Variants in GALNTL6 observed in about 807,000 individuals in gnomAD.
GALNTL6 encodes polypeptide N-acetylgalactosaminyltransferase like 6, also known as polypeptide N-acetylgalactosaminyltransferase-like 6.
GALNTL6 carries 46 observed loss-of-function variants against 73.7 expected under a neutral mutation model. The observed-to-expected ratio is 0.62, with a 90% CI of 0.49 to 0.80. GALNTL6 has a LOEUF of 0.80. Ranked by LOEUF, GALNTL6 falls within the 30% of genes least tolerant of loss-of-function variation. GALNTL6 has a pLI of 0.00. For missense variants in GALNTL6, 604 were observed against 755.0 expected (o/e 0.80, Z 2.34); for synonymous variants, 259 against 263.7 (o/e 0.98, Z 0.17).
intron 5 of GALNTL6, among the ~76,000 whole-genome samples, chr4:172,630,479 C>G (rs1739346167): frequency 6.6e-6 from 1 of 151,986 alleles, no homozygotes; most frequent in Non-Finnish European, 1.5e-5. Flanking sequence ...GATAATGCAC[C>G]TGCATCTCTA....
chr4:172,152,409 C>T (rs1429484664), intron 2 of GALNTL6, among the ~76,000 whole-genome samples: 1 of 152,196 alleles, frequency 6.6e-6, no homozygotes, highest in Non-Finnish European at 1.5e-5. Context: ...TAAATGTAGA[C>T]TGAGCTTTCT....
At chr4:172,086,802 A>G (rs1732046531) in intron 2 of GALNTL6, among the ~76,000 whole-genome samples, 1 of 152,230 alleles carries the variant, frequency 6.6e-6, no homozygotes, top group Non-Finnish European at 1.5e-5. Flanking sequence ...TTCTAGTACC[A>G]TGTATAGTAT....
intron 3 of GALNTL6, among the ~76,000 whole-genome samples, chr4:172,304,583 CAGA>C (rs995553329): frequency 5.3e-5 from 8 of 152,288 alleles, no homozygotes; most frequent in African/African-American, 1.9e-4. Flanking sequence ...CAAAATTCCT[CAGA>C]AGAAGTGTAA....
At chr4:172,030,725 T>C (rs1033369772) in intron 2 of GALNTL6, among the ~76,000 whole-genome samples, 4 of 151,630 alleles carry the variant, frequency 2.6e-5, no homozygotes, top group Non-Finnish European at 5.9e-5. Flanking sequence ...GAATAAAATA[T>C]GGGGGACATA....
chr4:171,914,778 G>GAC (rs750925563), intron 2 of GALNTL6, among the ~76,000 whole-genome samples: 57 of 88,382 alleles, frequency 6.4e-4, no homozygotes, highest in African/African-American at 4.8e-3. Flanking sequence ...AAGTAAAAAT[G>GAC]ATAAAAAAAA....
rs930939157 is a variant in GALNTL6 at position 172,617,181 on chromosome 4, G to GAT, written c.554-192172_554-192171dup. On this transcript the variant is annotated intron_variant, in intron 5 of 12. Transcript: ENST00000506823. ...TAATTATAAGGCATTTTGGGTGTAG[G>GAT]ATATATATAGCTGTACATTCTGTCC... Among the ~76,000 whole-genome samples, 9 of 151,884 alleles carry GAT rather than the reference G, an allele frequency of 5.9e-5. No individual in the cohort carries two copies. The South Asian group carries it at 8.3e-4, about 14-fold the overall frequency.
chr4:172,283,280 G>A (rs1302868395), intron 3 of GALNTL6, among the ~76,000 whole-genome samples: 4 of 152,104 alleles, frequency 2.6e-5, no homozygotes, highest in South Asian at 2.1e-4. Context: ...TGTATAATAC[G>A]GGTAATAAAG....
chr4:172,889,258 T>G (rs1435129376), intron 8 of GALNTL6, among the ~76,000 whole-genome samples: 1 of 152,214 alleles, frequency 6.6e-6, no homozygotes, highest in Non-Finnish European at 1.5e-5. Flanking sequence ...TTCTTTCTTT[T>G]GCCCAAATGC....
At chr4:172,457,475 G>A (rs866387297) in intron 5 of GALNTL6, among the ~76,000 whole-genome samples, 31 of 152,062 alleles carry the variant, frequency 2.0e-4, no homozygotes, top group African/African-American at 6.8e-4. Context: ...CCTATCTCAC[G>A]TGCAAAGACA....
At chr4:171,902,583 T>C (rs1157913670) in intron 2 of GALNTL6, among the ~76,000 whole-genome samples, 1 of 152,138 alleles carries the variant, frequency 6.6e-6, no homozygotes, top group Non-Finnish European at 1.5e-5. Context: ...AGAAACAAAC[T>C]GGCAATAGCC....
intron 7 of GALNTL6, among the ~76,000 whole-genome samples, chr4:172,867,983 G>T (rs958456604): frequency 6.6e-6 from 1 of 152,162 alleles, no homozygotes; most frequent in African/African-American, 2.4e-5. Flanking sequence ...ACACATAGTT[G>T]CATATTTAGT....
At chr4:171,906,321 G>A (rs982057605) in intron 2 of GALNTL6, among the ~76,000 whole-genome samples, 12 of 151,298 alleles carry the variant, frequency 7.9e-5, no homozygotes, top group East Asian at 3.9e-4. Flanking sequence ...TATCACCACC[G>A]ATCCCACAGA....
chr4:172,747,547 C>T (rs1275446420), intron 5 of GALNTL6, among the ~76,000 whole-genome samples: 14 of 151,938 alleles, frequency 9.2e-5, no homozygotes, highest in Admixed American at 8.5e-4. Flanking sequence ...GAAAAGGGAA[C>T]ACTTTTACAC....
At chr4:171,905,689 T>C (rs13142629) in intron 2 of GALNTL6, among the ~76,000 whole-genome samples, 84,781 of 148,764 alleles carry the variant, frequency 0.57, 25,899 homozygotes, top group African/African-American at 0.78. Flanking sequence ...ACAGAATATA[T>C]GTTTTTTTCA....
intron 5 of GALNTL6, among the ~76,000 whole-genome samples, chr4:172,396,921 T>G (rs1743869480): frequency 6.6e-6 from 1 of 152,222 alleles, no homozygotes; most frequent in South Asian, 2.1e-4. Context: ...AGAAATGTTC[T>G]TTATAAATTT....
intron 5 of GALNTL6, among the ~76,000 whole-genome samples, chr4:172,621,957 C>T (rs530583622): frequency 1.3e-5 from 2 of 152,024 alleles, no homozygotes; most frequent in East Asian, 1.9e-4. Context: ...TTCATGGGAC[C>T]GAGGTTTCTG....
At chr4:172,418,130 C>A (rs968877427) in intron 5 of GALNTL6, among the ~76,000 whole-genome samples, 12 of 152,168 alleles carry the variant, frequency 7.9e-5, no homozygotes, top group African/African-American at 2.9e-4. Context: ...GCAAAGTTTT[C>A]ACTATGCCAA....
intron 2 of GALNTL6, among the ~76,000 whole-genome samples, chr4:171,903,969 A>T (rs1284869763): frequency 1.3e-5 from 2 of 152,162 alleles, no homozygotes; most frequent in African/African-American, 2.4e-5. Context: ...AACAGAAAGG[A>T]CATCCACACC....
intron 5 of GALNTL6, among the ~76,000 whole-genome samples, chr4:172,551,992 A>G (rs1735973650): frequency 6.6e-6 from 1 of 152,202 alleles, no homozygotes; most frequent in African/African-American, 2.4e-5. Flanking sequence ...AGAAAGTCTT[A>G]TAACTTTCAT....
Sources: gnomAD v4.1 joint callset for allele counts (sites outside exome capture counted in the v4.1 genomes callset) on GRCh38, gnomAD v4.1.1 for gene constraint, MANE v1.5 for transcripts, NCBI Gene and HGNC (gene_info 2026-07-23, HGNC 2026-07-21) for gene names.